PHLPP1: variants seen among roughly 807,000 people sequenced by gnomAD.
PHLPP1 encodes the protein PH domain leucine-rich repeat-containing protein phosphatase 1.
PHLPP1 carries 42 observed loss-of-function variants against 117.2 expected under a neutral mutation model. That is an observed-to-expected ratio of 0.36 (90% CI 0.28 to 0.46). The LOEUF (loss-of-function observed/expected upper bound fraction) is 0.46. Among genes scored for constraint, PHLPP1 ranks in the 20% least tolerant of loss-of-function variants. PHLPP1 has a pLI of 1.00. For synonymous variants in PHLPP1, 1,042 were observed against 970.7 expected (o/e 1.07, Z -1.37); for missense variants, 2,084 against 2,241.9 (o/e 0.93, Z 1.42).
intron 3 of PHLPP1, among the ~76,000 whole-genome samples, chr18:62,842,632 G>A (rs1379728794): frequency 6.6e-6 from 1 of 152,146 alleles, no homozygotes; most frequent in Non-Finnish European, 1.5e-5. Flanking sequence ...CCAAAGTGCT[G>A]GGATTACAGG....
chr18:62,768,748 G>A (rs1310423892), intron 1 of PHLPP1, among the ~76,000 whole-genome samples: 1 of 152,136 alleles, frequency 6.6e-6, no homozygotes. Context: ...AGGTGGGGAG[G>A]AGAAATTATA....
At chr18:62,918,262 G>A (rs1419255913) in intron 9 of PHLPP1, among the ~76,000 whole-genome samples, 3 of 150,364 alleles carry the variant, frequency 2.0e-5, no homozygotes, top group East Asian at 3.9e-4. Context: ...AGGCGGAAAT[G>A]TATTGAAAAG....
chr18:62,738,171 G>A (rs549958461), intron 1 of PHLPP1, among the ~76,000 whole-genome samples: 1 of 151,624 alleles, frequency 6.6e-6, no homozygotes, highest in African/African-American at 2.4e-5. Flanking sequence ...AGGTAACATA[G>A]TGAGACCCTT....
intron 1 of PHLPP1, among the ~76,000 whole-genome samples, chr18:62,773,126 A>G (rs1912845108): frequency 6.6e-6 from 1 of 152,170 alleles, no homozygotes; most frequent in African/African-American, 2.4e-5. Context: ...TGGGAACCCT[A>G]GGCTGCTGGA....
At chr18:62,965,233 T>C (rs1176044197) in intron 14 of PHLPP1, among the ~76,000 whole-genome samples, 1 of 152,166 alleles carries the variant, frequency 6.6e-6, no homozygotes, top group East Asian at 1.9e-4. Context: ...TTTTGTTTTG[T>C]TTTTGTTTGC....
chr18:62,800,535 C>G (rs956524636), intron 1 of PHLPP1, among the ~76,000 whole-genome samples: 6 of 151,218 alleles, frequency 4.0e-5, no homozygotes, highest in African/African-American at 1.5e-4. Context: ...CCTATAACAT[C>G]TTTCATTATA....
At chr18:62,836,433 AAATAAATAAAT>A (rs1914900544) in intron 2 of PHLPP1, among the ~76,000 whole-genome samples, 1 of 344 alleles carries the variant, frequency 2.9e-3, no homozygotes, top group South Asian at 0.062. Flanking sequence ...CTCCATCTAA[AAATAAATAAAT>A]AAATAAATAA....
chr18:62,734,334 G>C (rs1568097562), intron 1 of PHLPP1, among the ~76,000 whole-genome samples: 1 of 151,992 alleles, frequency 6.6e-6, no homozygotes, highest in Admixed American at 6.6e-5. Context: ...ATGGAAGAAG[G>C]AATTTTTAAA....
intron 3 of PHLPP1, chr18:62,839,852 A>G (rs1915009422): frequency 6.7e-6 from 1 of 149,472 alleles, no homozygotes; most frequent in Non-Finnish European, 1.5e-5. Flanking sequence ...AAATAAGACA[A>G]ATAAATGCTG....
intron 10 of PHLPP1, among the ~76,000 whole-genome samples, chr18:62,922,866 T>G (rs779095227): frequency 6.6e-6 from 1 of 152,190 alleles, no homozygotes; most frequent in Non-Finnish European, 1.5e-5. Flanking sequence ...CAGTTGTAGT[T>G]TTAGGGGATT....
chr18:62,848,061 C>T (rs1396560967), intron 3 of PHLPP1, among the ~76,000 whole-genome samples: 1 of 152,180 alleles, frequency 6.6e-6, no homozygotes, highest in Non-Finnish European at 1.5e-5. Flanking sequence ...CCTTCTGTTG[C>T]TTGGTTCTCA....
At chr18:62,814,575 A>T (rs1203876180) in intron 1 of PHLPP1, among the ~76,000 whole-genome samples, 6 of 152,246 alleles carry the variant, frequency 3.9e-5, no homozygotes, top group Non-Finnish European at 8.8e-5. Context: ...AGCTCTGAAG[A>T]TAAAGAGGGT....
chr18:62,717,096 G>A lies in PHLPP1; in HGVS notation c.1413G>A (p.Leu471=), dbSNP rs1320195131. ...KAPPPPPPPT[L]YVQLHGETTR... The stretch of plus-strand genomic sequence containing the variant: ...CTCCGCCGCCCCCGCCGCCCACCCT[G>A]TACGTGCAGCTCCACGGAGAGACCA... The change falls in exon 1 of 17, where the codon CTG becomes CTA. Residue 471 remains leucine, a synonymous_variant. Transcript: ENST00000262719. 6.4e-7 allele frequency: 1 copy of A among 1,555,548 alleles called. No individual in the cohort carries two copies. The highest frequency in any genetic ancestry group is 1.2e-5 in the South Asian group (1 of 84,686).
At chr18:62,727,615 CA>C (rs71160863) in intron 1 of PHLPP1, among the ~76,000 whole-genome samples, 5,087 of 61,486 alleles carry the variant, frequency 0.083, 85 homozygotes, top group Middle Eastern at 0.17. Context: ...GACCCTGTCT[CA>C]AAAAAAAAAA....
At chr18:62,904,132 A>T (rs902882728) in intron 7 of PHLPP1, among the ~76,000 whole-genome samples, 2 of 152,252 alleles carry the variant, frequency 1.3e-5, no homozygotes, top group Admixed American at 6.5e-5. Flanking sequence ...TCAAATAGGT[A>T]TATTTTCTAG....
At chr18:62,846,063 G>A (rs1915171497) in intron 3 of PHLPP1, among the ~76,000 whole-genome samples, 1 of 152,114 alleles carries the variant, frequency 6.6e-6, no homozygotes, top group East Asian at 1.9e-4. Context: ...AAAAAAATTA[G>A]CCAGGCATGG....
chr18:62,894,310 C>T (rs1012087745), intron 4 of PHLPP1, among the ~76,000 whole-genome samples: 7 of 152,162 alleles, frequency 4.6e-5, no homozygotes, highest in Admixed American at 3.9e-4. Flanking sequence ...ATTCTTGTGC[C>T]TCAGCCTCCT....
At chr18:62,827,104 A>C (rs959521306) in intron 1 of PHLPP1, among the ~76,000 whole-genome samples, 1 of 152,190 alleles carries the variant, frequency 6.6e-6, no homozygotes, top group South Asian at 2.1e-4. Flanking sequence ...TTTTAAATAG[A>C]CTAGTATAGA....
intron 4 of PHLPP1, among the ~76,000 whole-genome samples, chr18:62,864,312 G>A (rs1915715353): frequency 6.6e-6 from 1 of 152,156 alleles, no homozygotes; most frequent in African/African-American, 2.4e-5. Flanking sequence ...GTGAGCTACT[G>A]CACCTGGCTG....
Sources: allele counts gnomAD v4.1 joint callset (sites outside exome capture counted in the v4.1 genomes callset), GRCh38; gene constraint gnomAD v4.1.1; transcripts MANE v1.5; gene names NCBI Gene and HGNC (gene_info 2026-07-23, HGNC 2026-07-21).